TET2: variants seen among roughly 807,000 people sequenced by gnomAD.
TET2 encodes tet methylcytosine dioxygenase 2.
In TET2, 299 loss-of-function variants were observed where a neutral mutation model predicts 142.9. That is an observed-to-expected ratio of 2.09 (90% confidence interval 1.90 to 2.30). TET2 has a LOEUF of 2.30. Among genes scored for constraint, TET2 ranks in the 30% most tolerant of loss-of-function variants. TET2 has a pLI of 0.00. For synonymous variants in TET2, 819 were observed against 849.0 expected (o/e 0.96, Z 0.61); for missense variants, 2,418 against 2,378.0 (o/e 1.02, Z -0.35).
At chr4:105,168,531 C>G (rs1196728442) in intron 1 of TET2, among the ~76,000 whole-genome samples, 2 of 152,094 alleles carry the variant, frequency 1.3e-5, no homozygotes, top group Non-Finnish European at 2.9e-5. Flanking sequence ...ACCATTCTAT[C>G]TAACAGAACT....
intron 1 of TET2, among the ~76,000 whole-genome samples, chr4:105,179,720 G>A (rs1202799079): frequency 2.0e-5 from 3 of 152,116 alleles, no homozygotes; most frequent in Non-Finnish European, 4.4e-5. Flanking sequence ...GGCTCTCTAG[G>A]TGACCTGTGT....
intron 1 of TET2, chr4:105,147,689 G>T (rs1008091212): frequency 6.6e-6 from 1 of 152,190 alleles, no homozygotes; most frequent in Non-Finnish European, 1.5e-5. Context: ...AGGTACATAA[G>T]TCAGCGCTGG....
chr4:105,272,895 C>T lies in TET2; in HGVS notation c.4514C>T (p.Ala1505Val), dbSNP rs1369902701. The T allele has an allele frequency of 1.9e-6, 3 of 1,542,498 alleles. No homozygotes were observed. The highest frequency in any genetic ancestry group is 2.8e-5 in the African/African-American group (2 of 72,206). The part of the protein sequence containing the change: ...APSRTKQTEN[A>V]SQAKQLAELL... ...TCACGTACAAAACAAACTGAAAACG[C>T]AAGCCAGGCTAAACAGTTGGCAGGT... Residue 1505 changes from alanine to valine, a missense_variant, in exon 10 of 11, where the codon GCA becomes GTA. Physicochemically the swap from Ala to Val is moderately conservative, Grantham distance 64. Transcript: ENST00000380013.
chr4:105,195,185 A>G (rs1010683074), intron 2 of TET2, among the ~76,000 whole-genome samples: 1 of 152,164 alleles, frequency 6.6e-6, no homozygotes, highest in Non-Finnish European at 1.5e-5. Flanking sequence ...TTCCTCATCA[A>G]AAGGTGAAAT....
At chr4:105,255,410 A>G (rs2110277046) in intron 6 of TET2, among the ~76,000 whole-genome samples, 1 of 152,342 alleles carries the variant, frequency 6.6e-6, no homozygotes, top group South Asian at 2.1e-4. Context: ...CATACAGTCC[A>G]TCCTGGAGAA....
chr4:105,219,035 T>A (rs1727659937), intron 2 of TET2, among the ~76,000 whole-genome samples: 1 of 152,022 alleles, frequency 6.6e-6, no homozygotes. Context: ...ATGATACTCT[T>A]TTAAAGCATC....
intron 2 of TET2, among the ~76,000 whole-genome samples, chr4:105,205,487 T>C (rs1461394736): frequency 6.7e-6 from 1 of 149,230 alleles, no homozygotes; most frequent in African/African-American, 2.6e-5. Context: ...AACATGTTTA[T>C]TTTTGTCTTT....
chr4:105,196,444 C>G (rs1726100139), intron 2 of TET2, among the ~76,000 whole-genome samples: 1 of 152,110 alleles, frequency 6.6e-6, no homozygotes, highest in Admixed American at 6.6e-5. Context: ...GCTCTGTGAA[C>G]CCAGGAATCT....
chr4:105,228,107 CT>C (rs1448049227), intron 2 of TET2, among the ~76,000 whole-genome samples: 1 of 152,060 alleles, frequency 6.6e-6, no homozygotes, highest in East Asian at 1.9e-4. Context: ...TGAAAGAGTA[CT>C]GTGCAAGTGG....
chr4:105,147,998 A>T lies in TET2; in HGVS notation c.-193+1019A>T, dbSNP rs190159644. Among the ~76,000 whole-genome samples the T allele has an allele frequency of 8.6e-5, 13 of 151,956 alleles. No homozygotes were observed. The Middle Eastern group carries it at 0.01, about 120-fold the overall frequency. On this transcript the variant is annotated intron_variant, in intron 1 of 10. Transcript: ENST00000380013. ...CTTTGGCTTCTCTCTTTGGTCTTTC[A>T]TCTCTCTGCCTTTCTCTCTGTGTCT... is the stretch of plus-strand genomic sequence containing the variant.
In TET2 at chr4:105,259,636, A is replaced by G. The variant is rs1197941414; in HGVS notation, c.3821A>G (p.Gln1274Arg). 1 of 1,550,978 alleles carries G rather than the reference A, an allele frequency of 6.4e-7. No homozygotes were observed. Among genetic ancestry groups the G allele is most frequent in the African/African-American group, 1.4e-5 (1 of 73,116 alleles). Residue 1274 changes from glutamine to arginine, a missense_variant, in exon 7 of 11, where the codon CAG becomes CGG. By Grantham distance (43) the Gln-to-Arg change is conservative. Coordinates refer to ENST00000380013, the MANE Select transcript of TET2 (RefSeq NM_001127208.3). ...ALNEERTCAC[Q>R]GLDPETCGAS... ...TTTTTCAGGAGAACTTGCGCCTGTCAGGGGCTGGATCCAGAAACCTGTGGT... is the reference window on the plus strand; with the variant it reads ...TTTTTCAGGAGAACTTGCGCCTGTCGGGGGCTGGATCCAGAAACCTGTGGT...
chr4:105,204,250 CACACACACACACACACACAT>C, intron 2 of TET2, among the ~76,000 whole-genome samples: 1 of 143,862 alleles, frequency 7.0e-6, no homozygotes, highest in Non-Finnish European at 1.5e-5. Context: ...CACACACACA[CACACACACACACACACACAT>C]ACATACATAC....
rs1731220075 is a variant in TET2, at chr4:105,276,299, A to G, written c.5789A>G (p.Glu1930Gly). ...GCTGAAAAAGCCCGTGAGAAAGAGG[A>G]AGAGTGTGAAAAGTATGGCCCAGAC... ...KMAEKAREKE[E>G]ECEKYGPDYV... The change falls in exon 11 of 11, where the codon GAA (glutamate) becomes GGA (glycine). Residue 1930 changes from glutamate (E) to glycine (G), a missense_variant. Transcript: ENST00000380013. 3 of 1,551,682 alleles carry G rather than the reference A, an allele frequency of 1.9e-6. No homozygotes were observed. The highest frequency in any genetic ancestry group is 4.9e-5 in the East Asian group (2 of 40,924).
At chr4:105,211,770 G>A (rs113938034) in intron 2 of TET2, among the ~76,000 whole-genome samples, 1 of 152,200 alleles carries the variant, frequency 6.6e-6, no homozygotes, top group Non-Finnish European at 1.5e-5. Flanking sequence ...ATGCATGCCT[G>A]TTTGGGGAAT....
At position 105,265,863 on chromosome 4, in the gene TET2, T is replaced by C. The variant is rs147446886; in HGVS notation, c.4045-3747T>C. 4.3e-4 allele frequency among the ~76,000 whole-genome samples: 66 copies of C among 152,298 alleles called. 1 individual carries two copies. The highest frequency in any genetic ancestry group is 1.5e-3 in the African/African-American group (64 of 41,588). On this transcript the variant is annotated intron_variant, in intron 8 of 10. Coordinates refer to ENST00000380013, the MANE Select transcript of TET2 (RefSeq NM_001127208.3). ...GAACCTATAAATACCCCAGTTTACT[T>C]CCTGAAGAGAGTATTAGGCTCCAGT...
chr4:105,182,462 G>C (rs934129973), intron 1 of TET2, among the ~76,000 whole-genome samples: 14 of 152,234 alleles, frequency 9.2e-5, no homozygotes, highest in African/African-American at 3.4e-4. Flanking sequence ...TGGTAAGGGA[G>C]ACGTCTACTT....
intron 2 of TET2, among the ~76,000 whole-genome samples, chr4:105,196,027 C>A (rs558482746): frequency 6.6e-6 from 1 of 152,266 alleles, no homozygotes; most frequent in East Asian, 1.9e-4. Flanking sequence ...GAGCATTCAA[C>A]CTGTAGACCA....
intron 1 of TET2, among the ~76,000 whole-genome samples, chr4:105,170,007 T>C (rs1040834400): frequency 6.6e-6 from 1 of 152,090 alleles, no homozygotes; most frequent in African/African-American, 2.4e-5. Flanking sequence ...AGTCAGGTAA[T>C]GTGATTCTGC....
chr4:105,224,756 G>T (rs112189018), intron 2 of TET2, among the ~76,000 whole-genome samples: 236 of 135,346 alleles, frequency 1.7e-3, no homozygotes, highest in African/African-American at 6.3e-3. Flanking sequence ...ATTTATTCTG[G>T]GGCATTAGCT....
Sources: gnomAD v4.1 joint callset for allele counts (sites outside exome capture counted in the v4.1 genomes callset) on GRCh38, gnomAD v4.1.1 for gene constraint, MANE v1.5 for transcripts, NCBI Gene and HGNC (gene_info 2026-07-23, HGNC 2026-07-21) for gene names.